GRM5: variants seen among roughly 807,000 people sequenced by gnomAD.
GRM5 encodes the protein metabotropic glutamate receptor 5.
In GRM5, 19 loss-of-function variants were observed where a neutral mutation model predicts 83.1. The observed-to-expected ratio is 0.23, with a 90% CI of 0.16 to 0.34. The LOEUF (loss-of-function observed/expected upper bound fraction) is 0.34, where lower values mean the gene tolerates loss of function less well. Among genes scored for constraint, GRM5 ranks in the 10% least tolerant of loss-of-function variants. The probability of loss-of-function intolerance (pLI) is 1.00; values close to 1 mark genes in which losing one functional copy is unlikely to be tolerated. For synonymous variants in GRM5, 675 were observed against 633.6 expected (o/e 1.07, Z -0.98); for missense variants, 1,160 against 1,588.3 (o/e 0.73, Z 4.58).
intron 2 of GRM5, among the ~76,000 whole-genome samples, chr11:88,953,390 A>C (rs1054028102): frequency 1.1e-4 from 17 of 152,204 alleles, no homozygotes; most frequent in African/African-American, 2.9e-4. Flanking sequence ...AGAATGACTA[A>C]TTTGTTTCTT....
intron 4 of GRM5, among the ~76,000 whole-genome samples, chr11:88,639,034 C>G (rs1358526651): frequency 3.3e-5 from 5 of 152,030 alleles, no homozygotes; most frequent in Non-Finnish European, 5.9e-5. Context: ...TTTTCTTTTA[C>G]AAATTTCTTG....
chr11:89,059,951 A>C (rs916230332), intron 1 of GRM5, among the ~76,000 whole-genome samples: 1 of 151,960 alleles, frequency 6.6e-6, no homozygotes, highest in South Asian at 2.1e-4. Flanking sequence ...CCATCCCCCA[A>C]TTTGAAAATA....
At chr11:88,916,687 G>A (rs1177464160) in intron 2 of GRM5, among the ~76,000 whole-genome samples, 2 of 151,674 alleles carry the variant, frequency 1.3e-5, no homozygotes, top group Admixed American at 6.6e-5. Flanking sequence ...AGCTGGAGCA[G>A]CAAAGGGAGT....
intron 2 of GRM5, among the ~76,000 whole-genome samples, chr11:88,934,902 T>A (rs1233444817): frequency 6.6e-6 from 1 of 151,838 alleles, no homozygotes; most frequent in Non-Finnish European, 1.5e-5. Flanking sequence ...CAATAGACAA[T>A]AAGGTTTGCC....
chr11:88,691,556 C>G (rs1473570626), intron 3 of GRM5, among the ~76,000 whole-genome samples: 1 of 152,164 alleles, frequency 6.6e-6, no homozygotes, highest in East Asian at 1.9e-4. Flanking sequence ...CCTGATCATA[C>G]TTCTCACCTT....
chr11:88,885,918 C>T (rs1333283673), intron 2 of GRM5, among the ~76,000 whole-genome samples: 2 of 152,144 alleles, frequency 1.3e-5, no homozygotes, highest in East Asian at 3.9e-4. Context: ...CCATTCTTCC[C>T]TTCTCTGCCA....
chr11:88,714,337 A>T (rs1389242619), intron 3 of GRM5, among the ~76,000 whole-genome samples: 1 of 151,930 alleles, frequency 6.6e-6, no homozygotes, highest in African/African-American at 2.4e-5. Flanking sequence ...GGCATCCCTG[A>T]TGTCAGGCAT....
At chr11:88,829,981 G>T (rs1372771447) in intron 3 of GRM5, among the ~76,000 whole-genome samples, 3 of 152,068 alleles carry the variant, frequency 2.0e-5, no homozygotes, top group African/African-American at 7.2e-5. Context: ...ATTCACATTG[G>T]TTACCTGGGG....
intron 3 of GRM5, among the ~76,000 whole-genome samples, chr11:88,688,552 T>G (rs953503543): frequency 9.2e-5 from 14 of 152,268 alleles, no homozygotes; most frequent in Non-Finnish European, 1.5e-4. Flanking sequence ...GCTTTCTTAA[T>G]TAAATATAGC....
intron 8 of GRM5, among the ~76,000 whole-genome samples, chr11:88,558,785 G>A (rs1435573006): frequency 2.7e-5 from 3 of 111,486 alleles, no homozygotes; most frequent in Admixed American, 1.0e-4. Flanking sequence ...TGGCAACAGA[G>A]TGAGACTCCA....
intron 3 of GRM5, among the ~76,000 whole-genome samples, chr11:88,766,342 C>T (rs1942624287): frequency 6.6e-6 from 1 of 151,940 alleles, no homozygotes; most frequent in Non-Finnish European, 1.5e-5. Flanking sequence ...TGGCACGGTA[C>T]TGGTACACAA....
At chr11:88,512,833 A>T (rs116775712) in intron 9 of GRM5, among the ~76,000 whole-genome samples, 1 of 152,228 alleles carries the variant, frequency 6.6e-6, no homozygotes, top group African/African-American at 2.4e-5. Flanking sequence ...GAAAATAAAA[A>T]GTATACTCAA....
intron 3 of GRM5, among the ~76,000 whole-genome samples, chr11:88,808,734 T>C (rs1049613239): frequency 1.3e-5 from 2 of 151,998 alleles, no homozygotes; most frequent in African/African-American, 4.8e-5. Flanking sequence ...CTTCTCTTTT[T>C]CAATCTCTTA....
chr11:88,557,910 CAA>C (rs1219532817), intron 8 of GRM5, among the ~76,000 whole-genome samples: 1 of 152,068 alleles, frequency 6.6e-6, no homozygotes, highest in Non-Finnish European at 1.5e-5. Context: ...AGATTCAACT[CAA>C]GTGTCACCTT....
At chr11:89,035,492 C>A (rs970451422) in intron 2 of GRM5, among the ~76,000 whole-genome samples, 9 of 151,590 alleles carry the variant, frequency 5.9e-5, no homozygotes, top group African/African-American at 2.2e-4. Context: ...TATAACCAAG[C>A]AATATGAAGA....
intron 2 of GRM5, among the ~76,000 whole-genome samples, chr11:88,901,973 C>T (rs1945320828): frequency 1.3e-5 from 2 of 152,058 alleles, no homozygotes; most frequent in African/African-American, 4.8e-5. Context: ...CAAGTAGTTC[C>T]CATTTCAGGG....
intron 1 of GRM5, among the ~76,000 whole-genome samples, chr11:89,060,569 C>T (rs1406079964): frequency 6.6e-6 from 1 of 151,970 alleles, no homozygotes; most frequent in Non-Finnish European, 1.5e-5. Context: ...TAGCATGATG[C>T]CTGACGTGCT....
chr11:88,977,372 C>A (rs1939376485), intron 2 of GRM5, among the ~76,000 whole-genome samples: 1 of 151,948 alleles, frequency 6.6e-6, no homozygotes, highest in African/African-American at 2.4e-5. Flanking sequence ...GCCACCACAC[C>A]CAGCTAATTT....
chr11:88,734,873 ATATT>A (rs1373440253), intron 3 of GRM5, among the ~76,000 whole-genome samples: 1 of 152,068 alleles, frequency 6.6e-6, no homozygotes, highest in East Asian at 1.9e-4. Context: ...GGAGTCAACA[ATATT>A]TGGTAACCAG....
Sources: gnomAD v4.1 joint callset for allele counts (sites outside exome capture counted in the v4.1 genomes callset) on GRCh38, gnomAD v4.1.1 for gene constraint, MANE v1.5 for transcripts, NCBI Gene and HGNC (gene_info 2026-07-23, HGNC 2026-07-21) for gene names.